Variants in NEGR1 observed in about 807,000 individuals in gnomAD.
NEGR1 encodes IgLON family member 4.
NEGR1 carries 10 observed loss-of-function variants against 40.9 expected under a neutral mutation model. The observed-to-expected ratio is 0.24, with a 90% confidence interval of 0.15 to 0.42. The LOEUF is 0.42. Among genes scored for constraint, NEGR1 ranks in the 10% least tolerant of loss-of-function variants. The pLI is 1.00. For synonymous variants in NEGR1, 185 were observed against 166.8 expected (o/e 1.11, Z -0.84); for missense variants, 352 against 438.9 (o/e 0.80, Z 1.77).
intron 1 of NEGR1, among the ~76,000 whole-genome samples, chr1:72,129,043 C>G (rs1187342861): frequency 6.6e-6 from 1 of 152,084 alleles, no homozygotes; most frequent in Non-Finnish European, 1.5e-5. Flanking sequence ...TGTTTTCAGG[C>G]CTGTGGATGA....
chr1:71,860,012 C>T (rs1659897102), intron 2 of NEGR1, among the ~76,000 whole-genome samples: 1 of 151,974 alleles, frequency 6.6e-6, no homozygotes. Flanking sequence ...GAGCTGCCAA[C>T]AGTCTATTTC....
chr1:72,201,244 A>G (rs1653193219), intron 1 of NEGR1, among the ~76,000 whole-genome samples: 1 of 151,576 alleles, frequency 6.6e-6, no homozygotes, highest in Non-Finnish European at 1.5e-5. Flanking sequence ...TTTGAAATAA[A>G]GTATATTAAT....
At chr1:72,264,758 G>A (rs1379953865) in intron 1 of NEGR1, among the ~76,000 whole-genome samples, 1 of 150,512 alleles carries the variant, frequency 6.6e-6, no homozygotes, top group African/African-American at 2.4e-5. Context: ...CGTACAAAAC[G>A]TTTAATAATG....
At chr1:71,722,357 A>G (rs916825280) in intron 3 of NEGR1, among the ~76,000 whole-genome samples, 1 of 152,042 alleles carries the variant, frequency 6.6e-6, no homozygotes, top group East Asian at 1.9e-4. Flanking sequence ...ATTTTTATTA[A>G]TTTAATTTAT....
intron 5 of NEGR1, among the ~76,000 whole-genome samples, chr1:71,606,393 G>A (rs78195188): frequency 0.013 from 2,009 of 152,278 alleles, 57 homozygotes; most frequent in African/African-American, 0.046. Context: ...CATCTTGACT[G>A]CAATCTTATG....
chr1:71,977,007 G>A (rs571202133), intron 1 of NEGR1, among the ~76,000 whole-genome samples: 32 of 152,214 alleles, frequency 2.1e-4, no homozygotes, highest in African/African-American at 7.2e-4. Context: ...AGAATTCTAG[G>A]TAATATGAGA....
At chr1:71,622,795 T>A (rs1423552433) in intron 4 of NEGR1, among the ~76,000 whole-genome samples, 2 of 151,838 alleles carry the variant, frequency 1.3e-5, no homozygotes, top group East Asian at 3.9e-4. Flanking sequence ...CTTAGGCCAG[T>A]TCCTCACTGG....
rs774237975 is a variant in NEGR1 at position 72,000,425 on chromosome 1, T to TA, written c.177-65115dup. On this transcript the variant is annotated intron_variant, in intron 1 of 6. Coordinates refer to ENST00000357731, the MANE Select transcript of NEGR1 (RefSeq NM_173808.3). ...GAGGAAATAGAGTTGAGGCAAAATA[T>TA]AAAAAAAAATGTAGTGCAGTTTAAG... Among the ~76,000 whole-genome samples, 170 of 150,892 alleles carry TA rather than the reference T, an allele frequency of 1.1e-3. 2 individuals carry two copies. In the East Asian group the frequency reaches 0.023, roughly 21 times the overall value.
intron 6 of NEGR1, among the ~76,000 whole-genome samples, chr1:71,414,069 C>G (rs186613203): frequency 6.6e-6 from 1 of 152,240 alleles, no homozygotes; most frequent in East Asian, 1.9e-4. Flanking sequence ...AATTCTGCTT[C>G]TGTAAGACAA....
At chr1:71,866,384 G>A (rs904108696) in intron 2 of NEGR1, among the ~76,000 whole-genome samples, 4 of 152,124 alleles carry the variant, frequency 2.6e-5, no homozygotes, top group African/African-American at 9.7e-5. Flanking sequence ...TATAATGTCA[G>A]TAAGAATAGG....
chr1:71,762,310 T>C (rs1005757866), intron 3 of NEGR1, among the ~76,000 whole-genome samples: 8 of 150,610 alleles, frequency 5.3e-5, no homozygotes. Flanking sequence ...CAGACTTAAG[T>C]CCTAATGAAT....
intron 2 of NEGR1, among the ~76,000 whole-genome samples, chr1:71,803,016 G>T (rs1657616241): frequency 6.6e-6 from 1 of 152,136 alleles, no homozygotes; most frequent in African/African-American, 2.4e-5. Flanking sequence ...TGAATTTGGG[G>T]AAATGGGGCA....
intron 6 of NEGR1, among the ~76,000 whole-genome samples, chr1:71,578,536 A>ACAT (rs1649032950): frequency 6.6e-6 from 1 of 152,118 alleles, no homozygotes; most frequent in Admixed American, 6.5e-5. Context: ...AAGGTGTTAT[A>ACAT]CATCTATATA....
At chr1:72,065,469 A>G (rs975772417) in intron 1 of NEGR1, among the ~76,000 whole-genome samples, 7 of 152,098 alleles carry the variant, frequency 4.6e-5, no homozygotes, top group African/African-American at 1.7e-4. Context: ...CAAATTTGAA[A>G]TAGACAAACA....
intron 1 of NEGR1, among the ~76,000 whole-genome samples, chr1:72,156,500 G>T (rs72941204): frequency 0.047 from 7,132 of 152,214 alleles, 572 homozygotes; most frequent in African/African-American, 0.16. Flanking sequence ...TTTTCTAAGT[G>T]AGAGATTGAC....
intron 1 of NEGR1, among the ~76,000 whole-genome samples, chr1:72,063,350 C>T (rs1033988266): frequency 6.6e-6 from 1 of 151,802 alleles, no homozygotes; most frequent in East Asian, 2.0e-4. Flanking sequence ...TGGGTTTTGC[C>T]ATTGGAAGTA....
intron 2 of NEGR1, among the ~76,000 whole-genome samples, chr1:71,841,160 A>G (rs1234834955): frequency 3.3e-5 from 5 of 152,168 alleles, no homozygotes; most frequent in Admixed American, 2.6e-4. Flanking sequence ...CAGTCACCCA[A>G]TAGAAGGATC....
intron 1 of NEGR1, among the ~76,000 whole-genome samples, chr1:72,090,788 C>A (rs753970437): frequency 2.6e-5 from 4 of 152,112 alleles, no homozygotes; most frequent in Non-Finnish European, 4.4e-5. Context: ...CCTGGGTAAA[C>A]TAGAGAGCTG....
chr1:71,794,891 T>C (rs1020512587), intron 2 of NEGR1, among the ~76,000 whole-genome samples: 1 of 151,910 alleles, frequency 6.6e-6, no homozygotes, highest in Non-Finnish European at 1.5e-5. Flanking sequence ...CAAGTCAAAA[T>C]GTTAAAAAAG....
Sources: allele counts gnomAD v4.1 joint callset (sites outside exome capture counted in the v4.1 genomes callset), GRCh38; gene constraint gnomAD v4.1.1; transcripts MANE v1.5; gene names NCBI Gene and HGNC (gene_info 2026-07-23, HGNC 2026-07-21).